VWA8: variants seen among roughly 807,000 people sequenced by gnomAD.
The protein encoded by VWA8 is von Willebrand factor A domain-containing protein 8.
A neutral mutation model predicts 241.5 loss-of-function variants in VWA8; 221 were observed. The ratio of observed to expected loss-of-function variants is 0.91; its 90% CI spans 0.82 to 1.02. The LOEUF is 1.02. Ranked by LOEUF, VWA8 falls within the 50% of genes least tolerant of loss-of-function variation. The probability of loss-of-function intolerance (pLI) is 0.00; values close to 1 mark genes in which losing one functional copy is unlikely to be tolerated. For synonymous variants in VWA8, 852 were observed against 827.1 expected, an observed-to-expected ratio of 1.03 and a Z score of -0.52; for missense variants, 2,322 against 2,328.7, an observed-to-expected ratio of 1.00 and a Z score of 0.06.
intron 21 of VWA8, among the ~76,000 whole-genome samples, chr13:41,752,942 G>C (rs563436218): frequency 6.6e-6 from 1 of 152,222 alleles, no homozygotes; most frequent in East Asian, 1.9e-4. Flanking sequence ...TCAATTCTGT[G>C]GAGTGTCAGA....
chr13:41,761,981 A>T (rs756013082), intron 20 of VWA8, among the ~76,000 whole-genome samples: 1 of 152,130 alleles, frequency 6.6e-6, no homozygotes, highest in African/African-American at 2.4e-5. Context: ...ACTTCATATC[A>T]TACATGCTAG....
At chr13:41,799,862 A>G (rs1256514777) in intron 17 of VWA8, among the ~76,000 whole-genome samples, 1 of 152,190 alleles carries the variant, frequency 6.6e-6, no homozygotes, top group African/African-American at 2.4e-5. Flanking sequence ...CTGTGCAACC[A>G]TCACCACAAG....
At chr13:41,692,498 C>T (rs2045184961) in intron 30 of VWA8, among the ~76,000 whole-genome samples, 1 of 151,962 alleles carries the variant, frequency 6.6e-6, no homozygotes, top group Non-Finnish European at 1.5e-5. Flanking sequence ...GTATCATACT[C>T]ACAGTTTCAT....
chr13:41,961,069 C>T lies in VWA8; in HGVS notation c.-54G>A. On this transcript the variant is annotated 5_prime_UTR_variant, in exon 1 of 45. Coordinates refer to ENST00000379310, the MANE Select transcript of VWA8 (RefSeq NM_015058.2). ...AGGGGGCTCGGGGATCGAGCGGCGT[C>T]CCGTGCAGGCACCGTGAGGCAGCGC... The T allele has an allele frequency of 2.2e-6, 3 of 1,344,074 alleles. 1 individual carries two copies. The highest frequency in any genetic ancestry group is 3.5e-5 in the South Asian group (2 of 56,510). 83.3% of individuals were successfully genotyped at this position (1,344,074 alleles called of 1,614,324 possible).
chr13:41,568,990 C>T (rs963774862), intron 44 of VWA8, among the ~76,000 whole-genome samples: 2 of 150,924 alleles, frequency 1.3e-5, no homozygotes, highest in African/African-American at 2.5e-5. Flanking sequence ...TTTTTAAATA[C>T]TAATTTATAA....
rs530610777 is a variant in VWA8, at chr13:41,755,596, T to A, written c.2426+5532A>T. Among the ~76,000 whole-genome samples the A allele has an allele frequency of 5.3e-5, 8 of 152,104 alleles. 1 individual carries two copies. Among genetic ancestry groups the A allele is most frequent in the African/African-American group, 1.9e-4 (8 of 41,556 alleles). ...TACTATAGAATATAAATCAGCAGCA[T>A]GCAACTCTTTACAATTTATGGATCA... On this transcript the variant is annotated intron_variant, in intron 21 of 44. Transcript: ENST00000379310.
chr13:41,791,124 T>TAA (rs1555335986), intron 17 of VWA8, among the ~76,000 whole-genome samples: 1 of 151,302 alleles, frequency 6.6e-6, no homozygotes, highest in African/African-American at 2.4e-5. Context: ...GTTTTTTTTT[T>TAA]AAAAAAACAA....
intron 12 of VWA8, among the ~76,000 whole-genome samples, chr13:41,860,517 T>C (rs890289000): frequency 4.6e-5 from 7 of 152,124 alleles, no homozygotes; most frequent in Admixed American, 3.9e-4. Flanking sequence ...TATCAGGAAA[T>C]AGAAAGTCCT....
chr13:41,742,718 T>C (rs1221228711), intron 21 of VWA8, among the ~76,000 whole-genome samples: 1 of 152,210 alleles, frequency 6.6e-6, no homozygotes, highest in Non-Finnish European at 1.5e-5. Context: ...AAATTCAGTT[T>C]ACTTTGCTAC....
chr13:41,869,574 T>A (rs1230544966), intron 9 of VWA8, among the ~76,000 whole-genome samples: 2 of 130,844 alleles, frequency 1.5e-5, no homozygotes, highest in Non-Finnish European at 3.1e-5. Flanking sequence ...GAGGTTGCAG[T>A]GAACTGAGAT....
chr13:41,624,019 A>T (rs1346768928), intron 37 of VWA8, among the ~76,000 whole-genome samples: 2 of 152,244 alleles, frequency 1.3e-5, no homozygotes, highest in Admixed American at 1.3e-4. Flanking sequence ...ATACAAAAAA[A>T]CCCCTCAGAG....
chr13:41,656,886 G>A (rs924124635), intron 37 of VWA8, among the ~76,000 whole-genome samples: 3 of 152,200 alleles, frequency 2.0e-5, no homozygotes, highest in Admixed American at 6.5e-5. Flanking sequence ...GGTCATGCGT[G>A]TTGTTCATCC....
intron 21 of VWA8, among the ~76,000 whole-genome samples, chr13:41,756,379 T>C (rs1035830736): frequency 4.6e-5 from 7 of 151,928 alleles, no homozygotes; most frequent in Admixed American, 4.6e-4. Flanking sequence ...TAGAATTGAC[T>C]GAGGCAGTTC....
chr13:41,873,995 T>C (rs1873771646), intron 9 of VWA8, among the ~76,000 whole-genome samples: 1 of 152,172 alleles, frequency 6.6e-6, no homozygotes, highest in Admixed American at 6.5e-5. Context: ...CATGATCAAG[T>C]GGGCTTCATC....
chr13:41,638,324 A>G (rs2044772580), intron 37 of VWA8, among the ~76,000 whole-genome samples: 1 of 152,242 alleles, frequency 6.6e-6, no homozygotes, highest in Non-Finnish European at 1.5e-5. Flanking sequence ...AAATTTTTGT[A>G]AACTCCTACC....
intron 32 of VWA8, 113 bp from the exon 33 acceptor site, chr13:41,690,388 T>C (rs969188969): frequency 5.2e-5 from 45 of 861,770 alleles, no homozygotes; most frequent in Non-Finnish European, 7.6e-5. Context: ...AGTTCCAGTA[T>C]AATTTGCAGT....
At position 41,819,308 on chromosome 13, in the gene VWA8, C is replaced by T. The variant is rs1187855625; in HGVS notation, c.1779G>A (p.Gln593=). Reference sequence around the variant, plus strand: ...TGGTTAAGAATTCTGGTCCCAGCCACTGGTGTGCTGTGCTTCCAATAACAG... The same window carrying T: ...TGGTTAAGAATTCTGGTCCCAGCCATTGGTGTGCTGTGCTTCCAATAACAG... The part of the protein sequence containing the change: ...EPPVIGSTAH[Q]WLGPEFLTMF... The change falls in exon 15 of 45, where the codon CAG becomes CAA. Residue 593 remains glutamine (Q), a synonymous_variant. Transcript: ENST00000379310. 1 of 1,613,304 alleles carries T rather than the reference C, an allele frequency of 6.2e-7. No homozygotes were observed. The highest frequency in any genetic ancestry group is 8.5e-7 in the Non-Finnish European group (1 of 1,179,866).
At chr13:41,637,576 T>TA (rs199871958) in intron 37 of VWA8, among the ~76,000 whole-genome samples, 7 of 149,920 alleles carry the variant, frequency 4.7e-5, no homozygotes, top group East Asian at 3.9e-4. Flanking sequence ...AAAAAAGAAA[T>TA]AAAAAAAAAT....
intron 37 of VWA8, among the ~76,000 whole-genome samples, chr13:41,618,965 T>C (rs1159070258): frequency 1.3e-5 from 2 of 152,246 alleles, no homozygotes; most frequent in Non-Finnish European, 2.9e-5. Flanking sequence ...GGGCTCTTTT[T>C]TGTTTCCATA....
Sources: gnomAD v4.1 joint callset for allele counts (sites outside exome capture counted in the v4.1 genomes callset) on GRCh38, gnomAD v4.1.1 for gene constraint, MANE v1.5 for transcripts, NCBI Gene and HGNC (gene_info 2026-07-23, HGNC 2026-07-21) for gene names.